SORCS1: variants seen among roughly 807,000 people sequenced by gnomAD.
SORCS1 encodes the protein VPS10 domain-containing receptor SorCS1.
In SORCS1, 60 loss-of-function variants were observed where a neutral mutation model predicts 146.1. The observed-to-expected ratio is 0.41, with a 90% CI of 0.33 to 0.51. SORCS1 has a LOEUF of 0.51. Ranked by LOEUF, SORCS1 falls within the 20% of genes least tolerant of loss-of-function variation. The pLI is 0.21. For missense variants in SORCS1, 1,352 were observed against 1,487.6 expected, an observed-to-expected ratio of 0.91 and a Z score of 1.50; for synonymous variants, 637 against 584.0, an observed-to-expected ratio of 1.09 and a Z score of -1.31.
At chr10:106,715,624 A>G (rs77660575) in intron 6 of SORCS1, among the ~76,000 whole-genome samples, 5,684 of 152,316 alleles carry the variant, frequency 0.037, 308 homozygotes, top group African/African-American at 0.12. Context: ...CTAGCGCCAG[A>G]TTAGACTGTA....
At chr10:106,744,936 G>C (rs926954627) in intron 5 of SORCS1, among the ~76,000 whole-genome samples, 1 of 152,296 alleles carries the variant, frequency 6.6e-6, no homozygotes, top group Non-Finnish European at 1.5e-5. Flanking sequence ...ATCAGTCACA[G>C]AGAAAGTGCA....
chr10:106,811,430 C>G (rs1420393826), intron 3 of SORCS1, among the ~76,000 whole-genome samples: 1 of 152,200 alleles, frequency 6.6e-6, no homozygotes, highest in African/African-American at 2.4e-5. Flanking sequence ...GGTCTACGTG[C>G]AGCAGAACTG....
intron 5 of SORCS1, among the ~76,000 whole-genome samples, chr10:106,732,136 T>C (rs919680140): frequency 1.3e-5 from 2 of 152,214 alleles, no homozygotes; most frequent in African/African-American, 4.8e-5. Flanking sequence ...CAATAAGTTT[T>C]CTCTGATTGA....
At chr10:107,018,076 G>GCA in intron 1 of SORCS1, among the ~76,000 whole-genome samples, 1 of 152,150 alleles carries the variant, frequency 6.6e-6, no homozygotes, top group East Asian at 1.9e-4. Flanking sequence ...AGACACAGTG[G>GCA]CACAGAGAAG....
chr10:106,766,576 A>G (rs1461211792), intron 4 of SORCS1, among the ~76,000 whole-genome samples: 2 of 152,244 alleles, frequency 1.3e-5, no homozygotes, highest in South Asian at 4.1e-4. Context: ...TGCAAAGGGG[A>G]ACCAAAATCT....
chr10:107,127,924 T>C (rs749798648), intron 1 of SORCS1, among the ~76,000 whole-genome samples: 12 of 152,230 alleles, frequency 7.9e-5, no homozygotes, highest in Non-Finnish European at 1.8e-4. Flanking sequence ...TAATGTATCA[T>C]CTTGGAACCT....
chr10:106,989,195 A>G (rs1956628539), intron 1 of SORCS1, among the ~76,000 whole-genome samples: 1 of 144,794 alleles, frequency 6.9e-6, no homozygotes, highest in Non-Finnish European at 1.5e-5. Flanking sequence ...GCTTGAACCC[A>G]GGAGGCAGAG....
intron 1 of SORCS1, among the ~76,000 whole-genome samples, chr10:107,116,287 AG>A: frequency 6.6e-6 from 1 of 152,268 alleles, no homozygotes; most frequent in South Asian, 2.1e-4. Flanking sequence ...AAATGAAATA[AG>A]CATCTTCAAG....
chr10:106,696,921 G>A (rs1853746962), intron 9 of SORCS1, among the ~76,000 whole-genome samples: 2 of 152,120 alleles, frequency 1.3e-5, no homozygotes, highest in Non-Finnish European at 1.5e-5. Context: ...ATCAGGAAGG[G>A]GAAAATGGAA....
chr10:106,772,444 TAATCAATCAATC>T (rs531205148), intron 4 of SORCS1, among the ~76,000 whole-genome samples: 2 of 151,600 alleles, frequency 1.3e-5, no homozygotes, highest in Admixed American at 6.6e-5. Flanking sequence ...TAAATTCCCA[TAATCAATCAATC>T]AATCAATCAA....
In SORCS1 at chr10:106,846,051, G is replaced by C. The variant is rs571207844; in HGVS notation, c.627-16378C>G. ...AGCTTTGTTCTTTTGGCTTAGGATT[G>C]ACTTGGCGATGCGGGCTCTTTTTTG... On this transcript the variant is annotated intron_variant, in intron 2 of 25. Transcript: ENST00000263054. 1.2e-4 allele frequency among the ~76,000 whole-genome samples: 14 copies of C among 120,226 alleles called. 4 individuals are homozygous for C. In the Admixed American group the frequency reaches 1.3e-3, roughly 11 times the overall value. 78.9% of individuals were successfully genotyped at this position (120,226 alleles called of 152,430 possible). A position where few individuals can be genotyped will look rare whatever the true frequency, so the allele number is the denominator to read the frequency against.
At chr10:106,668,353 C>T (rs1851334223) in intron 16 of SORCS1, among the ~76,000 whole-genome samples, 1 of 152,204 alleles carries the variant, frequency 6.6e-6, no homozygotes, top group African/African-American at 2.4e-5. Context: ...CTCGAGCATT[C>T]CCCTAAGGAA....
At chr10:106,846,131 T>C (rs1168723979) in intron 2 of SORCS1, among the ~76,000 whole-genome samples, 1 of 35,372 alleles carries the variant, frequency 2.8e-5, no homozygotes, top group Non-Finnish European at 6.5e-5. Flanking sequence ...AAGTCATTGG[T>C]AGCTTGATGG....
At chr10:106,612,066 C>A (rs558537329) in intron 21 of SORCS1, 43 bp from the exon 22 acceptor site, 1 of 1,462,204 alleles carries the variant, frequency 6.8e-7, no homozygotes, top group Admixed American at 1.7e-5. Context: ...GTCAAATAGT[C>A]CTGTCAAGAG....
At chr10:106,682,295 C>T (rs1852497898) in intron 10 of SORCS1, among the ~76,000 whole-genome samples, 2 of 152,180 alleles carry the variant, frequency 1.3e-5, no homozygotes, top group South Asian at 4.1e-4. Context: ...GACACCAGTT[C>T]ACTCAGTAAC....
intron 17 of SORCS1, among the ~76,000 whole-genome samples, chr10:106,663,559 T>C (rs543706510): frequency 1.3e-5 from 2 of 152,368 alleles, no homozygotes; most frequent in South Asian, 4.1e-4. Flanking sequence ...CAAGATTATA[T>C]ACTGAATCTG....
In SORCS1 at chr10:106,804,338, G is replaced by GAAAATAAAGT. The variant is rs1554847550; in HGVS notation, c.726+25235_726+25236insACTTTATTTT. On this transcript the variant is annotated intron_variant, in intron 3 of 25. Coordinates refer to ENST00000263054, the MANE Select transcript of SORCS1 (RefSeq NM_052918.5). ...CAGAGTGAAACTCTGTTTCCGAAGA[G>GAAAATAAAGT]AAAATAAAATAAAATAAAATAAAAT... is the stretch of plus-strand genomic sequence containing the variant. 7.6e-3 allele frequency among the ~76,000 whole-genome samples: 1,058 copies of GAAAATAAAGT among 138,324 alleles called. 22 individuals are homozygous for GAAAATAAAGT. Among genetic ancestry groups the GAAAATAAAGT allele is most frequent in the African/African-American group, 0.028 (1,022 of 36,682 alleles). 90.7% of individuals were successfully genotyped at this position (138,324 alleles called of 152,430 possible).
intron 1 of SORCS1, among the ~76,000 whole-genome samples, chr10:106,982,635 G>A (rs1206742987): frequency 6.6e-6 from 1 of 152,088 alleles, no homozygotes; most frequent in African/African-American, 2.4e-5. Context: ...AAACTCTGTT[G>A]CCTTGTTTTT....
intron 1 of SORCS1, among the ~76,000 whole-genome samples, chr10:107,025,377 A>G (rs1958354122): frequency 6.6e-6 from 1 of 152,174 alleles, no homozygotes; most frequent in Non-Finnish European, 1.5e-5. Context: ...ACTCCAGCTA[A>G]ACCTTGTAAC....
Sources: allele counts gnomAD v4.1 joint callset (sites outside exome capture counted in the v4.1 genomes callset), GRCh38; gene constraint gnomAD v4.1.1; transcripts MANE v1.5; gene names NCBI Gene and HGNC (gene_info 2026-07-23, HGNC 2026-07-21).